Variants in CTNNA3 observed in about 807,000 individuals in gnomAD.
CTNNA3 encodes the protein catenin alpha-3.
Under a neutral mutation model 95.7 loss-of-function variants are expected in CTNNA3, and 76 were observed. The observed-to-expected ratio is 0.79, with a 90% CI of 0.66 to 0.96. CTNNA3 has a LOEUF of 0.96. CTNNA3 is among the 40% of genes least tolerant of loss of function. The pLI is 0.00. For synonymous variants in CTNNA3, 431 were observed against 374.4 expected (o/e 1.15, Z -1.74); for missense variants, 1,191 against 1,089.8 (o/e 1.09, Z -1.31).
chr10:66,443,668 A>G (rs2093393257), intron 11 of CTNNA3, among the ~76,000 whole-genome samples: 1 of 152,112 alleles, frequency 6.6e-6, no homozygotes. Flanking sequence ...CCAAAAACCC[A>G]TCTGTACGTT....
rs993224247 is a variant in CTNNA3 at position 65,913,875 on chromosome 10, T to G, written c.*6455A>C. 2.6e-5 allele frequency: 4 copies of G among 152,110 alleles called. No homozygotes were observed. The highest frequency in any genetic ancestry group is 9.7e-5 in the African/African-American group (4 of 41,426). The allele number at this position is 152,110 out of a possible 1,614,324, so 9.4% of individuals were successfully genotyped here. On this transcript the variant is annotated 3_prime_UTR_variant, in exon 18 of 18. Transcript: ENST00000433211. The stretch of plus-strand genomic sequence containing the variant: ...GTAATTTACACAGATGGGGAACTGA[T>G]GTGACATACCTAAGGTTGGCCTGAG...
At chr10:67,240,554 A>G (rs1301017963) in intron 5 of CTNNA3, among the ~76,000 whole-genome samples, 4 of 152,200 alleles carry the variant, frequency 2.6e-5, no homozygotes, top group Admixed American at 1.3e-4. Flanking sequence ...AGAGGCCTTT[A>G]CTACTTTTCT....
chr10:66,596,087 C>A (rs1459719066), intron 10 of CTNNA3, among the ~76,000 whole-genome samples: 4 of 152,074 alleles, frequency 2.6e-5, no homozygotes, highest in Non-Finnish European at 4.4e-5. Flanking sequence ...AGGAGACCCA[C>A]TTCTGTCTCA....
chr10:67,145,342 G>T (rs1005960115), intron 7 of CTNNA3, among the ~76,000 whole-genome samples: 1 of 152,058 alleles, frequency 6.6e-6, no homozygotes, highest in African/African-American at 2.4e-5. Flanking sequence ...TCCTGAATCA[G>T]TTAACCCAAA....
At chr10:66,699,477 C>A (rs892072155) in intron 9 of CTNNA3, among the ~76,000 whole-genome samples, 1 of 151,834 alleles carries the variant, frequency 6.6e-6, no homozygotes, top group African/African-American at 2.4e-5. Flanking sequence ...GCATTTCTCT[C>A]ATTAGTGACA....
At chr10:66,201,716 A>G (rs1564759355) in intron 13 of CTNNA3, among the ~76,000 whole-genome samples, 2 of 151,698 alleles carry the variant, frequency 1.3e-5, no homozygotes, top group Non-Finnish European at 2.9e-5. Flanking sequence ...TTGCTATAGA[A>G]CACACAGTTA....
At chr10:66,762,817 CAG>C (rs1020352235) in intron 9 of CTNNA3, among the ~76,000 whole-genome samples, 2 of 151,920 alleles carry the variant, frequency 1.3e-5, no homozygotes, top group Non-Finnish European at 2.9e-5. Flanking sequence ...GTTCCTTTAA[CAG>C]TGTGGAGGTT....
At chr10:67,357,849 T>C (rs547023730) in intron 5 of CTNNA3, among the ~76,000 whole-genome samples, 49 of 152,166 alleles carry the variant, frequency 3.2e-4, no homozygotes, top group African/African-American at 1.1e-3. Context: ...AAATTAATTT[T>C]AAAAGTCCAA....
In CTNNA3 at chr10:65,914,927, G is replaced by A. The variant is rs1163909255; in HGVS notation, c.*5403C>T. Reference sequence around the variant, plus strand: ...AATATTTTAAAGCCAGTGAGACTTTGAGCAAGATTCTTATCCCATTTAACC... The same window carrying A: ...AATATTTTAAAGCCAGTGAGACTTTAAGCAAGATTCTTATCCCATTTAACC... On this transcript the variant is annotated 3_prime_UTR_variant, in exon 18 of 18. Coordinates refer to ENST00000433211, the MANE Select transcript of CTNNA3 (RefSeq NM_013266.4). 1.3e-5 allele frequency: 2 copies of A among 152,106 alleles called. No individual in the cohort carries two copies. Among genetic ancestry groups the A allele is most frequent in the Non-Finnish European group, 2.9e-5 (2 of 68,020 alleles). 9.4% of individuals were successfully genotyped at this position (152,106 alleles called of 1,614,324 possible).
At chr10:67,714,593 G>A (rs978361570) in intron 1 of CTNNA3, among the ~76,000 whole-genome samples, 2 of 152,218 alleles carry the variant, frequency 1.3e-5, no homozygotes, top group Non-Finnish European at 2.9e-5. Context: ...ACTTTTGACT[G>A]TGGACTTTTG....
chr10:66,349,546 A>G (rs879319246), intron 12 of CTNNA3, among the ~76,000 whole-genome samples: 7 of 152,174 alleles, frequency 4.6e-5, no homozygotes, highest in Non-Finnish European at 1.0e-4. Flanking sequence ...AGGAAAAGAA[A>G]AAGCAGGTTA....
intron 7 of CTNNA3, chr10:66,926,156 A>T: frequency 2.2e-6 from 1 of 461,666 alleles, no homozygotes. Flanking sequence ...GGTGCTCATC[A>T]CGGGAACTGC....
Position 65,945,142 on chromosome 10 carries a change from ATG to A in CTNNA3, c.2400+21468_2400+21469del, listed in dbSNP as rs71474003. ...ATGTAGGCAAATACCTCTTCTATAA[ATG>A]TGTGTGTGTGTGTGTGTATATATAT... On this transcript the variant is annotated intron_variant, in intron 17 of 17. Coordinates refer to ENST00000433211, the MANE Select transcript of CTNNA3 (RefSeq NM_013266.4). 1.4e-4 allele frequency among the ~76,000 whole-genome samples: 21 copies of A among 149,174 alleles called. No homozygotes were observed. In the East Asian group the frequency reaches 2.8e-3, roughly 20 times the overall value.
chr10:66,046,318 G>A (rs548272095), intron 15 of CTNNA3, among the ~76,000 whole-genome samples: 65 of 152,272 alleles, frequency 4.3e-4, no homozygotes, highest in African/African-American at 1.5e-3. Context: ...GACACTTGGA[G>A]TCTTGGAAGA....
At chr10:66,325,729 T>G (rs16922829) in intron 12 of CTNNA3, among the ~76,000 whole-genome samples, 35,505 of 151,918 alleles carry the variant, frequency 0.23, 4,532 homozygotes, top group South Asian at 0.38. Context: ...ACCAAGGGAC[T>G]CTAAGTGGGG....
In CTNNA3 at chr10:66,559,692, T is replaced by A. The variant is rs576622648; in HGVS notation, c.1375-38919A>T. ...TACATGCTCATCTCTGGGTCTGAAA[T>A]GTTCTTTCCTCATTTACTGGGTTAG... On this transcript the variant is annotated intron_variant, in intron 10 of 17. Transcript: ENST00000433211. Among the ~76,000 whole-genome samples the A allele has an allele frequency of 5.3e-5, 8 of 152,104 alleles. 1 individual carries two copies. The East Asian group carries it at 1.5e-3, about 29-fold the overall frequency.
chr10:67,168,082 G>A (rs779217578), intron 7 of CTNNA3, among the ~76,000 whole-genome samples: 3 of 152,288 alleles, frequency 2.0e-5, no homozygotes, highest in East Asian at 1.9e-4. Context: ...ATTGCAGTGA[G>A]CCGAGATGGC....
intron 5 of CTNNA3, among the ~76,000 whole-genome samples, chr10:67,253,108 C>G (rs1259650951): frequency 6.6e-6 from 1 of 152,162 alleles, no homozygotes; most frequent in Non-Finnish European, 1.5e-5. Context: ...AGCATCACTA[C>G]TCTTGTGCTT....
At chr10:66,147,661 G>A (rs987216189) in intron 13 of CTNNA3, among the ~76,000 whole-genome samples, 7 of 131,160 alleles carry the variant, frequency 5.3e-5, no homozygotes, top group Non-Finnish European at 9.4e-5. Context: ...CTTAACAGTA[G>A]AAAAATACCT....
Sources: allele counts gnomAD v4.1 joint callset (sites outside exome capture counted in the v4.1 genomes callset), GRCh38; gene constraint gnomAD v4.1.1; transcripts MANE v1.5; gene names NCBI Gene and HGNC (gene_info 2026-07-23, HGNC 2026-07-21).